The following SELP variants were observed in gnomAD, a reference collection of about 807,000 sequenced individuals.
SELP encodes the protein P-selectin.
Under a neutral mutation model 104.1 loss-of-function variants are expected in SELP, and 92 were observed. The ratio of observed to expected loss-of-function variants is 0.88; its 90% CI spans 0.75 to 1.05. The LOEUF is 1.05. SELP is among the 50% of genes least tolerant of loss of function. SELP has a pLI of 0.00. For synonymous variants in SELP, 397 were observed against 364.5 expected, an observed-to-expected ratio of 1.09 and a Z score of -1.01; for missense variants, 1,022 against 1,017.3, an observed-to-expected ratio of 1.00 and a Z score of -0.06.
chr1:169,615,315 T>C (rs1309671306), intron 3 of SELP, among the ~76,000 whole-genome samples: 1 of 152,218 alleles, frequency 6.6e-6, no homozygotes, highest in Non-Finnish European at 1.5e-5. Flanking sequence ...TGGTAGTGGC[T>C]GCTTAGAGTA....
chr1:169,597,721 A>T (rs759083549), intron 10 of SELP, among the ~76,000 whole-genome samples: 1 of 152,280 alleles, frequency 6.6e-6, no homozygotes, highest in Admixed American at 6.5e-5. Flanking sequence ...ACCCATCCAG[A>T]TAACACAGGA....
chr1:169,629,974 C>T (rs374948744), intron 1 of SELP, 98 bp downstream of exon 1: 67 of 1,475,264 alleles, frequency 4.5e-5, no homozygotes, highest in East Asian at 1.4e-4. Context: ...CCATGGCTAT[C>T]GCTGTTCCTC....
At position 169,616,117 on chromosome 1, in the gene SELP, T is replaced by G. The variant is rs573549531; in HGVS notation, c.481+911A>C. Among the ~76,000 whole-genome samples the G allele has an allele frequency of 2.6e-5, 4 of 152,336 alleles. No homozygotes were observed. In the East Asian group the frequency reaches 7.7e-4, roughly 29 times the overall value. On this transcript the variant is annotated intron_variant, in intron 3 of 16. Coordinates refer to ENST00000263686, the MANE Select transcript of SELP (RefSeq NM_003005.4). ...AGCTTTCAGGAATGTCTGCTTACTC[T>G]GGCACTGGTAAAGTTGAGAATTAAA... is the stretch of plus-strand genomic sequence containing the variant.
chr1:169,593,866 T>C, intron 13 of SELP, 142 bp from the exon 14 acceptor site: 1 of 737,924 alleles, frequency 1.4e-6, no homozygotes, highest in Non-Finnish European at 2.1e-6. Context: ...GCTGACAAGC[T>C]AACATGAAAG....
At chr1:169,607,181 A>G in intron 8 of SELP, 47 bp from the exon 9 acceptor site, 2 of 1,444,316 alleles carry the variant, frequency 1.4e-6, no homozygotes, top group Non-Finnish European at 1.8e-6. Context: ...ATACACATGT[A>G]CTCATTGATT....
chr1:169,604,639 G>C (rs570583790), intron 9 of SELP, among the ~76,000 whole-genome samples: 45 of 152,212 alleles, frequency 3.0e-4, no homozygotes, highest in Non-Finnish European at 8.8e-5. Context: ...CTTTCAATCT[G>C]ATCAACTTGT....
chr1:169,626,233 C>A (rs1663366341), intron 1 of SELP, among the ~76,000 whole-genome samples: 1 of 152,182 alleles, frequency 6.6e-6, no homozygotes, highest in South Asian at 2.1e-4. Flanking sequence ...TGACAGATCA[C>A]ATCGGGCTTT....
At chr1:169,600,810 C>T (rs543607639) in intron 10 of SELP, among the ~76,000 whole-genome samples, 59 of 152,232 alleles carry the variant, frequency 3.9e-4, no homozygotes, top group Middle Eastern at 6.8e-3. Flanking sequence ...ATTTGGAGAA[C>T]GAAGAAGAAA....
intron 8 of SELP, among the ~76,000 whole-genome samples, chr1:169,607,464 C>A (rs556542551): frequency 6.6e-6 from 1 of 151,706 alleles, no homozygotes; most frequent in South Asian, 2.1e-4. Flanking sequence ...TTTGTAAGAG[C>A]GGAATATTGA....
chr1:169,591,405 C>T, intron 15 of SELP, 21 bp downstream of exon 15: 1 of 1,550,354 alleles, frequency 6.5e-7, no homozygotes, highest in Non-Finnish European at 8.8e-7. Context: ...TTTACTCAAT[C>T]ATAAAACATT....
chr1:169,610,100 A>T (rs1347743593), intron 7 of SELP, among the ~76,000 whole-genome samples: 2 of 152,114 alleles, frequency 1.3e-5, no homozygotes, highest in Non-Finnish European at 2.9e-5. Flanking sequence ...TTGTACATTG[A>T]AAGTGCTCAT....
intron 5 of SELP, 108 bp downstream of exon 5, chr1:169,612,821 C>A (rs866057285): frequency 2.2e-6 from 2 of 912,404 alleles, no homozygotes; most frequent in Admixed American, 2.7e-5. Context: ...TTCCATCTAA[C>A]CTAGATGGTC....
chr1:169,592,876 C>T (rs543857104), intron 14 of SELP, among the ~76,000 whole-genome samples: 9 of 152,156 alleles, frequency 5.9e-5, no homozygotes, highest in South Asian at 2.1e-4. Flanking sequence ...CACTGAACTG[C>T]GAAACATACC....
rs777447522 is a variant in SELP at position 169,590,241 on chromosome 1, C to T, written c.2439-39G>A. The T allele has an allele frequency of 1.1e-5, 16 of 1,485,496 alleles. No homozygotes were observed. In the East Asian group the frequency reaches 2.9e-4, roughly 27 times the overall value. 92.0% of individuals were successfully genotyped at this position (1,485,496 alleles called of 1,614,324 possible). A position where few individuals can be genotyped will look rare whatever the true frequency, so the allele number is the denominator to read the frequency against. On this transcript the variant is annotated intron_variant, in intron 15 of 16. Transcript: ENST00000263686. ...ACACAAGGATGGCAACAATATACTG[C>T]TTAGTTCTCGACAACACAGTCCAAC...
chr1:169,596,190 A>G (rs573575892), intron 11 of SELP, 56 bp from the exon 12 acceptor site: 5 of 1,485,030 alleles, frequency 3.4e-6, no homozygotes, highest in Non-Finnish European at 4.7e-6. Flanking sequence ...AAGCGTTAAC[A>G]GAGTTAAGGC....
At chr1:169,603,276 T>C (rs371791085) in intron 9 of SELP, 65 bp from the exon 10 acceptor site, 19 of 1,416,652 alleles carry the variant, frequency 1.3e-5, no homozygotes, top group Middle Eastern at 1.8e-4. Flanking sequence ...CTGAACTCTG[T>C]AACTCTCTCT....
chr1:169,610,672 G>A (rs189306112), intron 7 of SELP, among the ~76,000 whole-genome samples: 21 of 152,086 alleles, frequency 1.4e-4, no homozygotes, highest in African/African-American at 2.2e-4. Context: ...CTAGCTATTC[G>A]GGAGGCTGAG....
In SELP at chr1:169,619,874, C is replaced by T. The variant is rs561199294; in HGVS notation, c.4-655G>A. Reference sequence around the variant, plus strand: ...ACTATTATTTCTCATGAACTCTCTTCTGTTGGGATTTCATCAAATCTATGA... The same window carrying T: ...ACTATTATTTCTCATGAACTCTCTTTTGTTGGGATTTCATCAAATCTATGA... On this transcript the variant is annotated intron_variant, in intron 1 of 16. Coordinates refer to ENST00000263686, the MANE Select transcript of SELP (RefSeq NM_003005.4). Among the ~76,000 whole-genome samples, 218 of 152,258 alleles carry T rather than the reference C, an allele frequency of 1.4e-3. 1 individual carries two copies. Among genetic ancestry groups the T allele is most frequent in the Non-Finnish European group, 2.3e-3 (156 of 68,024 alleles).
At chr1:169,618,850 A>C (rs1053363952) in intron 2 of SELP, among the ~76,000 whole-genome samples, 2 of 152,238 alleles carry the variant, frequency 1.3e-5, no homozygotes, top group Admixed American at 6.5e-5. Context: ...AAATAATTAT[A>C]AAAGAAATTC....
Sources: allele counts gnomAD v4.1 joint callset (sites outside exome capture counted in the v4.1 genomes callset), GRCh38; gene constraint gnomAD v4.1.1; transcripts MANE v1.5; gene names NCBI Gene and HGNC (gene_info 2026-07-23, HGNC 2026-07-21).